The following ELMO1 variants were observed in gnomAD, a reference collection of about 807,000 sequenced individuals.
ELMO1 encodes engulfment and cell motility 1.
ELMO1 carries 26 observed loss-of-function variants against 98.9 expected under a neutral mutation model. The ratio of observed to expected loss-of-function variants is 0.26; its 90% CI spans 0.19 to 0.36. The LOEUF is 0.36. Among genes scored for constraint, ELMO1 ranks in the 10% least tolerant of loss-of-function variants. The probability of loss-of-function intolerance (pLI) is 1.00; values close to 1 mark genes in which losing one functional copy is unlikely to be tolerated. For synonymous variants in ELMO1, 346 were observed against 346.0 expected, an observed-to-expected ratio of 1.00 and a Z score of 0.00; for missense variants, 627 against 935.2, an observed-to-expected ratio of 0.67 and a Z score of 4.30.
chr7:37,121,896 T>C (rs1469465255), intron 14 of ELMO1, among the ~76,000 whole-genome samples: 3 of 152,146 alleles, frequency 2.0e-5, no homozygotes, highest in Non-Finnish European at 4.4e-5. Flanking sequence ...AAAGGACGGG[T>C]TACCCACAAA....
chr7:37,127,314 AG>A (rs1487158515), intron 14 of ELMO1, among the ~76,000 whole-genome samples: 10 of 152,210 alleles, frequency 6.6e-5, no homozygotes, highest in African/African-American at 2.4e-4. Context: ...CTTGTTTGAT[AG>A]TCCTGTGGAC....
At chr7:36,892,386 T>C (rs972810170) in intron 17 of ELMO1, among the ~76,000 whole-genome samples, 4 of 152,092 alleles carry the variant, frequency 2.6e-5, no homozygotes, top group Non-Finnish European at 4.4e-5. Flanking sequence ...TAGATCCAAC[T>C]CCTCTGTGCT....
At chr7:37,344,894 C>G (rs940328793) in intron 1 of ELMO1, among the ~76,000 whole-genome samples, 1 of 152,140 alleles carries the variant, frequency 6.6e-6, no homozygotes, top group Non-Finnish European at 1.5e-5. Context: ...ATATCTGTAA[C>G]GAAGATCTTA....
chr7:37,008,943 C>A (rs555609288), intron 16 of ELMO1, among the ~76,000 whole-genome samples: 14 of 152,150 alleles, frequency 9.2e-5, no homozygotes, highest in African/African-American at 2.4e-5. Flanking sequence ...ATCTGTGGTG[C>A]GGTTGGCCGG....
chr7:36,903,343 T>C (rs1783719230), intron 16 of ELMO1, among the ~76,000 whole-genome samples: 2 of 152,188 alleles, frequency 1.3e-5, no homozygotes, highest in Non-Finnish European at 2.9e-5. Flanking sequence ...CATTCTCCCA[T>C]CACAGTCCCA....
chr7:37,005,772 C>T (rs1793075843), intron 16 of ELMO1, among the ~76,000 whole-genome samples: 1 of 151,216 alleles, frequency 6.6e-6, no homozygotes, highest in Admixed American at 6.6e-5. Context: ...TCCACCTTTC[C>T]TGAAGATGTT....
intron 1 of ELMO1, among the ~76,000 whole-genome samples, chr7:37,433,449 A>G (rs1805016517): frequency 6.6e-6 from 1 of 152,204 alleles, no homozygotes; most frequent in Non-Finnish European, 1.5e-5. Flanking sequence ...GTGACCATCC[A>G]CACATATCAT....
chr7:37,352,955 A>C (rs1051252667), intron 1 of ELMO1: 24 of 151,954 alleles, frequency 1.6e-4, no homozygotes, highest in African/African-American at 4.8e-4. Flanking sequence ...ATCCTCCCCC[A>C]CCCAACGAGT....
At chr7:37,103,282 G>A (rs1784741347) in intron 14 of ELMO1, among the ~76,000 whole-genome samples, 1 of 152,174 alleles carries the variant, frequency 6.6e-6, no homozygotes, top group African/African-American at 2.4e-5. Context: ...TGCTGTAGCA[G>A]TTATTAATCT....
intron 13 of ELMO1, among the ~76,000 whole-genome samples, chr7:37,141,994 T>C (rs1787674991): frequency 6.6e-6 from 1 of 152,254 alleles, no homozygotes; most frequent in South Asian, 2.1e-4. Context: ...GTTGAATAAG[T>C]GCAATGATTT....
intron 13 of ELMO1, among the ~76,000 whole-genome samples, chr7:37,190,348 T>A (rs1791489110): frequency 6.6e-6 from 1 of 152,222 alleles, no homozygotes; most frequent in African/African-American, 2.4e-5. Flanking sequence ...CAACATGCTT[T>A]CTACAGGGAT....
intron 16 of ELMO1, among the ~76,000 whole-genome samples, chr7:36,907,805 T>C (rs997735018): frequency 4.6e-5 from 7 of 152,206 alleles, no homozygotes; most frequent in African/African-American, 1.4e-4. Context: ...CACTAATCTA[T>C]CACGGCACTT....
chr7:37,217,884 G>T, intron 10 of ELMO1: 1 of 437,174 alleles, frequency 2.3e-6, no homozygotes, highest in African/African-American at 2.0e-5. Context: ...GCATTGAAAA[G>T]TGCTTAAATA....
Position 37,096,873 on chromosome 7 carries a change from A to G in ELMO1, c.1192-146T>C. Reference sequence around the variant, plus strand: ...TGGGGCCAGGACAAAATAGTACTCCAAGTATACAGGACCGAAAAGTCTCAT... The same window carrying G: ...TGGGGCCAGGACAAAATAGTACTCCGAGTATACAGGACCGAAAAGTCTCAT... On this transcript the variant is annotated intron_variant, in intron 14 of 21. Coordinates refer to ENST00000310758, the MANE Select transcript of ELMO1 (RefSeq NM_014800.11). 4.0e-6 allele frequency: 3 copies of G among 742,744 alleles called. No individual in the cohort carries two copies. The South Asian group carries it at 4.7e-5, about 12-fold the overall frequency. The allele number at this position is 742,744 out of a possible 1,614,324, so 46.0% of individuals were successfully genotyped here.
chr7:36,903,174 ACTTCACTCCT>A, intron 16 of ELMO1, among the ~76,000 whole-genome samples: 1 of 152,200 alleles, frequency 6.6e-6, no homozygotes, highest in East Asian at 1.9e-4. Flanking sequence ...CAGTGCTTGA[ACTTCACTCCT>A]GTGCCTTCAT....
At chr7:36,957,650 T>C (rs951776941) in intron 16 of ELMO1, among the ~76,000 whole-genome samples, 3 of 151,814 alleles carry the variant, frequency 2.0e-5, no homozygotes, top group Non-Finnish European at 2.9e-5. Context: ...TACAGAACCA[T>C]TGCTGAAGTC....
chr7:36,978,923 T>G (rs192505472), intron 16 of ELMO1, among the ~76,000 whole-genome samples: 9 of 152,338 alleles, frequency 5.9e-5, no homozygotes, highest in Admixed American at 5.9e-4. Context: ...TGGGATATAT[T>G]AATAAATGTG....
intron 16 of ELMO1, among the ~76,000 whole-genome samples, chr7:36,963,467 G>A (rs1378745766): frequency 1.3e-5 from 2 of 151,814 alleles, no homozygotes; most frequent in African/African-American, 2.4e-5. Context: ...TGAGGAAAAG[G>A]GACCACAGAA....
In ELMO1 at chr7:37,176,100, C is replaced by T. The variant is rs191305270; in HGVS notation, c.1086+35286G>A. ...GTCTTTGGATATAGCTGAGAATATG[C>T]TGTCATTTACTAGAGATAATAATTT... On this transcript the variant is annotated intron_variant, in intron 13 of 21. Coordinates refer to ENST00000310758, the MANE Select transcript of ELMO1 (RefSeq NM_014800.11). Among the ~76,000 whole-genome samples the T allele has an allele frequency of 2.7e-3, 415 of 152,308 alleles. 3 individuals carry two copies. Among genetic ancestry groups the T allele is most frequent in the African/African-American group, 9.6e-3 (397 of 41,562 alleles).
Sources: gnomAD v4.1 joint callset for allele counts (sites outside exome capture counted in the v4.1 genomes callset) on GRCh38, gnomAD v4.1.1 for gene constraint, MANE v1.5 for transcripts, NCBI Gene and HGNC (gene_info 2026-07-23, HGNC 2026-07-21) for gene names.